Variants in CACNA1E observed in about 807,000 individuals in gnomAD.
CACNA1E encodes voltage-dependent R-type calcium channel subunit alpha-1E.
In CACNA1E, 40 loss-of-function variants were observed where a neutral mutation model predicts 259.2. The observed-to-expected ratio is 0.15, with a 90% confidence interval of 0.12 to 0.20. The LOEUF is 0.20. Among genes scored for constraint, CACNA1E ranks in the 10% least tolerant of loss-of-function variants. CACNA1E has a pLI of 1.00. For missense variants in CACNA1E, 1,874 were observed against 3,040.1 expected (o/e 0.62, Z 9.02); for synonymous variants, 1,104 against 1,138.5 (o/e 0.97, Z 0.61).
intron 4 of CACNA1E, 96 bp from the exon 5 acceptor site, chr1:181,578,976 G>C: frequency 1.9e-6 from 2 of 1,055,594 alleles, no homozygotes; most frequent in Non-Finnish European, 2.7e-6. Context: ...GCAGACGGCA[G>C]CATGGATGAA....
intron 3 of CACNA1E, among the ~76,000 whole-genome samples, chr1:181,558,777 T>G (rs1320934154): frequency 6.6e-6 from 1 of 152,058 alleles, no homozygotes; most frequent in African/African-American, 2.4e-5. Context: ...ATCACTCTAG[T>G]AATGGTCTGG....
At position 181,675,310 on chromosome 1, in the gene CACNA1E, T is replaced by C. The variant is rs1649257527; in HGVS notation, c.1055+23869T>C. Among the ~76,000 whole-genome samples the C allele has an allele frequency of 2.6e-5, 4 of 152,240 alleles. No homozygotes were observed. The South Asian group carries it at 8.3e-4, about 32-fold the overall frequency. ...CTTGCTCCGAAACATCATGGGTGAC[T>C]GGGAGTCTAAGAATATTAATTGGAG... On this transcript the variant is annotated intron_variant, in intron 7 of 47. Coordinates refer to ENST00000367573, the MANE Select transcript of CACNA1E (RefSeq NM_001205293.3).
chr1:181,579,022 G>A (rs1651258694), intron 4 of CACNA1E, 50 bp from the exon 5 acceptor site: 1 of 1,485,772 alleles, frequency 6.7e-7, no homozygotes, highest in Admixed American at 2.1e-5. Flanking sequence ...TCCCCTATCA[G>A]ATGGTGCTGA....
At chr1:181,541,552 C>T (rs1047329245) in intron 3 of CACNA1E, among the ~76,000 whole-genome samples, 4 of 152,038 alleles carry the variant, frequency 2.6e-5, no homozygotes, top group African/African-American at 7.3e-5. Flanking sequence ...TAGTTGAGAA[C>T]GGCCTAATTA....
intron 6 of CACNA1E, among the ~76,000 whole-genome samples, chr1:181,608,700 A>ATTGCT: frequency 2.0e-5 from 3 of 152,260 alleles, no homozygotes; most frequent in Admixed American, 2.0e-4. Flanking sequence ...TCTGAGCAGG[A>ATTGCT]TTGCTTTGCT....
intron 3 of CACNA1E, among the ~76,000 whole-genome samples, chr1:181,543,134 T>A (rs1933048): frequency 6.6e-6 from 1 of 151,978 alleles, no homozygotes; most frequent in South Asian, 2.1e-4. Flanking sequence ...ACATCAGAAT[T>A]GTCTGGAAAG....
intron 32 of CACNA1E, among the ~76,000 whole-genome samples, chr1:181,760,869 T>C (rs1000756929): frequency 6.6e-6 from 1 of 152,200 alleles, no homozygotes; most frequent in African/African-American, 2.4e-5. Context: ...TATTCTGTAT[T>C]GTAAAGCATT....
At chr1:181,426,512 TCTCAACCCCTTCACAA>T (rs960007591) in intron 2 of CACNA1E, among the ~76,000 whole-genome samples, 8 of 132,536 alleles carry the variant, frequency 6.0e-5, no homozygotes, top group African/African-American at 2.0e-4. Context: ...CCCCTTCCTG[TCTCAACCCCTTCACAA>T]CTCAACCCCT....
chr1:181,475,344 C>A lies in CACNA1E; in HGVS notation c.435-8400C>A, dbSNP rs146495832. Among the ~76,000 whole-genome samples the A allele has an allele frequency of 3.9e-5, 6 of 152,264 alleles. No individual in the cohort carries two copies. The East Asian group carries it at 5.8e-4, about 15-fold the overall frequency. On this transcript the variant is annotated intron_variant, in intron 2 of 11. Transcript: ENST00000524607. Reference sequence around the variant, plus strand: ...TATAATGGCAAAGTTACAGTTATGACAATATCAGTGATAAAACAGTACTAT... The same window carrying A: ...TATAATGGCAAAGTTACAGTTATGAAAATATCAGTGATAAAACAGTACTAT...
chr1:181,591,267 T>C (rs1457735882), intron 6 of CACNA1E, among the ~76,000 whole-genome samples: 1 of 152,252 alleles, frequency 6.6e-6, no homozygotes, highest in Admixed American at 6.5e-5. Flanking sequence ...TTGAGCTTTG[T>C]GTAAATGTGG....
intron 6 of CACNA1E, among the ~76,000 whole-genome samples, chr1:181,592,811 A>G (rs546409918): frequency 1.3e-5 from 2 of 152,208 alleles, no homozygotes; most frequent in South Asian, 4.2e-4. Context: ...ACACACACAC[A>G]AACACACTTT....
At chr1:181,378,951 A>G (rs888765066) in intron 1 of CACNA1E, among the ~76,000 whole-genome samples, 3 of 151,966 alleles carry the variant, frequency 2.0e-5, no homozygotes, top group Non-Finnish European at 4.4e-5. Context: ...AAAATTCACA[A>G]TGTCTACCAT....
intron 1 of CACNA1E, among the ~76,000 whole-genome samples, chr1:181,363,384 G>C (rs1166304206): frequency 1.3e-5 from 2 of 152,234 alleles, no homozygotes; most frequent in African/African-American, 4.8e-5. Context: ...GAGAATCCAT[G>C]TTTGAAAATA....
At chr1:181,491,696 A>C (rs933662518) in intron 1 of CACNA1E, among the ~76,000 whole-genome samples, 2 of 152,236 alleles carry the variant, frequency 1.3e-5, no homozygotes, top group Non-Finnish European at 2.9e-5. Flanking sequence ...CATATTAAGC[A>C]AAATATATGT....
intron 3 of CACNA1E, among the ~76,000 whole-genome samples, chr1:181,513,110 T>C (rs1448676458): frequency 1.3e-5 from 2 of 152,242 alleles, no homozygotes; most frequent in African/African-American, 4.8e-5. Flanking sequence ...CAGCTCTATA[T>C]GTGGCAGAAT....
rs1001603736 is a variant in CACNA1E at position 181,800,389 on chromosome 1, C to T, written c.*1555C>T. ...ACCCTGTCATTCCTAATAGCCCAAA[C>T]GCAGAAGCACTGAGCAAGAGAGCCC... On this transcript the variant is annotated 3_prime_UTR_variant, in exon 48 of 48. Coordinates refer to ENST00000367573, the MANE Select transcript of CACNA1E (RefSeq NM_001205293.3). 5 of 152,618 alleles carry T rather than the reference C, an allele frequency of 3.3e-5. No individual in the cohort carries two copies. The highest frequency in any genetic ancestry group is 2.1e-4 in the South Asian group (1 of 4,832). The allele number at this position is 152,618 out of a possible 1,614,324, so 9.5% of individuals were successfully genotyped here. A position where few individuals can be genotyped will look rare whatever the true frequency, so the allele number is the denominator to read the frequency against.
intron 6 of CACNA1E, among the ~76,000 whole-genome samples, chr1:181,606,383 C>G (rs1654239466): frequency 6.6e-6 from 1 of 152,136 alleles, no homozygotes; most frequent in Admixed American, 6.5e-5. Flanking sequence ...ACTCCTTCAC[C>G]CTCTTGTTTT....
intron 1 of CACNA1E, among the ~76,000 whole-genome samples, chr1:181,400,864 G>A (rs1041291569): frequency 1.1e-4 from 17 of 152,180 alleles, no homozygotes; most frequent in African/African-American, 4.1e-4. Flanking sequence ...TATTATGGCT[G>A]CAATGGCTTC....
At chr1:181,671,765 G>A (rs1427468884) in intron 7 of CACNA1E, among the ~76,000 whole-genome samples, 1 of 152,182 alleles carries the variant, frequency 6.6e-6, no homozygotes, top group Admixed American at 6.5e-5. Context: ...GGAGCAATAG[G>A]ACCTTGAATG....
Sources: allele counts gnomAD v4.1 joint callset (sites outside exome capture counted in the v4.1 genomes callset), GRCh38; gene constraint gnomAD v4.1.1; transcripts MANE v1.5; gene names NCBI Gene and HGNC (gene_info 2026-07-23, HGNC 2026-07-21).